Variants in OTULIN observed in about 807,000 individuals in gnomAD.
OTULIN encodes the protein ubiquitin thioesterase otulin.
In OTULIN, 15 loss-of-function variants were observed where a neutral mutation model predicts 39.6. That is an observed-to-expected ratio of 0.38 (90% CI 0.25 to 0.58). The LOEUF (loss-of-function observed/expected upper bound fraction) is 0.58, where lower values mean the gene tolerates loss of function less well. Ranked by LOEUF, OTULIN falls within the 20% of genes least tolerant of loss-of-function variation. The pLI, the probability that OTULIN is intolerant of heterozygous loss-of-function variation, is 0.66. For missense variants in OTULIN, 319 were observed against 445.9 expected, an observed-to-expected ratio of 0.72 and a Z score of 2.56; for synonymous variants, 156 against 170.3, an observed-to-expected ratio of 0.92 and a Z score of 0.65.
At chr5:14,692,730 C>A in intron 6 of OTULIN, 124 bp from the exon 7 acceptor site, 3 of 682,850 alleles carry the variant, frequency 4.4e-6, no homozygotes, top group East Asian at 2.7e-5. Flanking sequence ...GGGCCCAAAG[C>A]AGGAGGAAAA....
chr5:14,702,595 TA>T (rs947900199), downstream of OTULIN, among the ~76,000 whole-genome samples: 15 of 152,250 alleles, frequency 9.9e-5, no homozygotes, highest in Admixed American at 8.5e-4. Context: ...GCTGGCATGA[TA>T]AAAAGCATGA....
chr5:14,678,652 G>GT, intron 2 of OTULIN, 29 bp from the exon 3 acceptor site: 2 of 1,242,396 alleles, frequency 1.6e-6, no homozygotes, highest in Non-Finnish European at 2.3e-6. Flanking sequence ...TTTATTATTT[G>GT]CTTTTTTTTT....
chr5:14,711,250 G>A, the OTULIN span: 1 of 1,614,024 alleles, frequency 6.2e-7, no homozygotes, highest in Non-Finnish European at 8.5e-7. Flanking sequence ...TCTGTCGGAG[G>A]CATGTCTGTC....
At chr5:14,689,216 T>C (rs1048423904) in intron 5 of OTULIN, among the ~76,000 whole-genome samples, 2 of 152,298 alleles carry the variant, frequency 1.3e-5, no homozygotes, top group African/African-American at 2.4e-5. Context: ...TGGTCTAGTT[T>C]GGAAAATATG....
At position 14,693,197 on chromosome 5, in the gene OTULIN, A is replaced by G. The variant is rs148351338; in HGVS notation, c.*149A>G. The G allele has an allele frequency of 6.7e-4, 432 of 645,172 alleles. 3 individuals are homozygous for G. In the East Asian group the frequency reaches 8.4e-3, roughly 12 times the overall value. The allele number at this position is 645,172 out of a possible 1,614,324, so 40.0% of individuals were successfully genotyped here. A position where few individuals can be genotyped will look rare whatever the true frequency, so the allele number is the denominator to read the frequency against. The stretch of plus-strand genomic sequence containing the variant: ...CCAAGTTGGACAGGATGTCCTGAAG[A>G]CTAGCTTTTGATAAGAGAAATTAAC... On this transcript the variant is annotated 3_prime_UTR_variant, in exon 7 of 7. Coordinates refer to ENST00000284274, the MANE Select transcript of OTULIN (RefSeq NM_138348.6).
chr5:14,678,576 G>A (rs956871731), intron 2 of OTULIN, 105 bp from the exon 3 acceptor site: 14 of 798,284 alleles, frequency 1.8e-5, no homozygotes, highest in Middle Eastern at 2.5e-4. Flanking sequence ...ATTTTTTGAC[G>A]TGAAGAAAGA....
chr5:14,704,053 C>T (rs563765200), downstream of OTULIN, among the ~76,000 whole-genome samples: 12 of 152,126 alleles, frequency 7.9e-5, no homozygotes, highest in South Asian at 1.2e-3. Context: ...TGATGCTGGC[C>T]GGGCGTGGTG....
At chr5:14,666,132 C>T (rs749042512) in intron 1 of OTULIN, among the ~76,000 whole-genome samples, 4 of 152,184 alleles carry the variant, frequency 2.6e-5, no homozygotes, top group Non-Finnish European at 5.9e-5. Context: ...GAGAACAGTG[C>T]GCTTAATTTA....
In OTULIN at chr5:14,664,937, A is replaced by G. The variant is rs1198264736; in HGVS notation, c.112A>G (p.Ser38Gly). 1.8e-5 allele frequency: 21 copies of G among 1,148,540 alleles called. No homozygotes were observed. The highest frequency in any genetic ancestry group is 3.3e-5 in the African/African-American group (2 of 61,434). The allele number at this position is 1,148,540 out of a possible 1,614,324, so 71.1% of individuals were successfully genotyped here. ...GCGGGACGGCGGGAAGGCGGCGGCC[A>G]GCGGGCAGCCGCGGCCCGAGATGCA... ...TARDGGKAAA[S>G]GQPRPEMQCP... Residue 38 changes from serine to glycine, a missense_variant, in exon 1 of 7, where the codon AGC (serine) becomes GGC (glycine). Coordinates refer to ENST00000284274, the MANE Select transcript of OTULIN (RefSeq NM_138348.6).
In OTULIN at chr5:14,681,478, T is replaced by G. The variant is rs755888615; in HGVS notation, c.339T>G (p.Val113=). 1 of 1,612,286 alleles carries G rather than the reference T, an allele frequency of 6.2e-7. No individual in the cohort carries two copies. The highest frequency in any genetic ancestry group is 8.5e-7 in the Non-Finnish European group (1 of 1,179,510). The part of the protein sequence containing the change: ...ATCMKMGYEE[V]SQKFTSIRRV... ...CCTTTTCCCAGGGCTATGAAGAGGT[T>G]TCTCAGAAGTTCACCTCCATACGGC... is the stretch of plus-strand genomic sequence containing the variant. Residue 113 remains valine, a synonymous_variant, in exon 4 of 7, where the codon GTT becomes GTG. Coordinates refer to ENST00000284274, the MANE Select transcript of OTULIN (RefSeq NM_138348.6).
chr5:14,690,845 G>A lies in OTULIN; in HGVS notation c.864+537G>A, dbSNP rs16903655. Among the ~76,000 whole-genome samples, 439 of 152,286 alleles carry A rather than the reference G, an allele frequency of 2.9e-3. 4 individuals carry two copies. Among genetic ancestry groups the A allele is most frequent in the African/African-American group, 9.8e-3 (408 of 41,564 alleles). On this transcript the variant is annotated intron_variant, in intron 6 of 6. Transcript: ENST00000284274. The surrounding 1 kb of genome is among the most constrained non-coding windows in gnomAD (Gnocchi z 4.5). ...GTGGACATACTTTACAGTCACCACC[G>A]TTATCTCAGCCTGGGCTTTATTCTT...
the OTULIN span, chr5:14,707,910 G>A: frequency 6.6e-6 from 1 of 152,174 alleles, no homozygotes; most frequent in Non-Finnish European, 1.5e-5. Context: ...AGTCATGGGG[G>A]ATGACTGTTT....
chr5:14,711,982 A>G, the OTULIN span, among the ~76,000 whole-genome samples: 4 of 151,744 alleles, frequency 2.6e-5, no homozygotes, highest in African/African-American at 7.3e-5. Context: ...GATCCCACCA[A>G]CCCTTCATTG....
At chr5:14,707,959 A>G in the OTULIN span, 3 of 152,336 alleles carry the variant, frequency 2.0e-5, no homozygotes, top group African/African-American at 7.2e-5. Flanking sequence ...TCTGTGCCCC[A>G]TTTAAAGAAT....
chr5:14,667,614 A>G (rs770045270), intron 1 of OTULIN, among the ~76,000 whole-genome samples: 17 of 152,166 alleles, frequency 1.1e-4, no homozygotes, highest in Non-Finnish European at 2.1e-4. Flanking sequence ...GGCTCAAGCA[A>G]TCCTCTTGCC....
rs1736731554 is a variant in OTULIN, at chr5:14,698,564, G to C, written c.*5516G>C. 6.6e-6 allele frequency: 1 copy of C among 152,254 alleles called. No homozygotes were observed. The highest frequency in any genetic ancestry group is 2.1e-4 in the South Asian group (1 of 4,838). The allele number at this position is 152,254 out of a possible 1,614,324, so 9.4% of individuals were successfully genotyped here. Reference sequence around the variant, plus strand: ...TTAGCAAACCCTGCTGCAGAGGACTGTAAAAACAAATAACTAAAAATAAAC... The same window carrying C: ...TTAGCAAACCCTGCTGCAGAGGACTCTAAAAACAAATAACTAAAAATAAAC... On this transcript the variant is annotated 3_prime_UTR_variant, in exon 7 of 7. Transcript: ENST00000284274.
chr5:14,684,250 T>C (rs879508852), intron 4 of OTULIN, among the ~76,000 whole-genome samples: 5 of 152,228 alleles, frequency 3.3e-5, no homozygotes, highest in Non-Finnish European at 7.3e-5. Flanking sequence ...TGGATCTGAA[T>C]GTTAGCTGAA....
downstream of OTULIN, among the ~76,000 whole-genome samples, chr5:14,703,272 AAT>A (rs1395989640): frequency 7.0e-6 from 1 of 143,268 alleles, no homozygotes; most frequent in Non-Finnish European, 1.5e-5. Context: ...CAGAATTACA[AAT>A]ATAAGCAATG....
the OTULIN span, chr5:14,712,813 C>T: frequency 6.7e-7 from 1 of 1,500,438 alleles, no homozygotes; most frequent in Non-Finnish European, 9.1e-7. Context: ...AGTGGCTGCT[C>T]AGGTTCTCCT....
Sources: allele counts gnomAD v4.1 joint callset (sites outside exome capture counted in the v4.1 genomes callset), GRCh38; gene constraint gnomAD v4.1.1; non-coding constraint Gnocchi (gnomAD v3.1); transcripts MANE v1.5; gene names NCBI Gene and HGNC (gene_info 2026-07-23, HGNC 2026-07-21).